The following CFAP299 variants were observed in gnomAD, a reference collection of about 807,000 sequenced individuals.
The protein encoded by CFAP299 is cilia and flagella associated protein 299, also known as cilia- and flagella-associated protein 299.
CFAP299 carries 21 observed loss-of-function variants against 27.0 expected under a neutral mutation model. The ratio of observed to expected loss-of-function variants is 0.78; its 90% CI spans 0.55 to 1.12. The LOEUF is 1.12. CFAP299 is among the 50% of genes most tolerant of loss of function. The pLI, the probability that CFAP299 is intolerant of heterozygous loss-of-function variation, is 0.00. For missense variants in CFAP299, 310 were observed against 276.6 expected (o/e 1.12, Z -0.86); for synonymous variants, 104 against 98.1 (o/e 1.06, Z -0.36).
chr4:80,959,412 A>G (rs1738228772), intron 5 of CFAP299, among the ~76,000 whole-genome samples: 1 of 152,102 alleles, frequency 6.6e-6, no homozygotes. Flanking sequence ...ACACTGCTAC[A>G]ACTCTGATAA....
chr4:80,649,472 A>C (rs1356643368), intron 3 of CFAP299, among the ~76,000 whole-genome samples: 1 of 152,144 alleles, frequency 6.6e-6, no homozygotes, highest in African/African-American at 2.4e-5. Context: ...CAATACTGAA[A>C]GGATGCAATG....
At chr4:80,717,211 G>A (rs973132054) in intron 3 of CFAP299, among the ~76,000 whole-genome samples, 1 of 152,048 alleles carries the variant, frequency 6.6e-6, no homozygotes, top group Admixed American at 6.6e-5. Flanking sequence ...GTAAACTAAG[G>A]TGGGGTGGTG....
At chr4:80,711,464 C>T (rs1578047642) in intron 3 of CFAP299, among the ~76,000 whole-genome samples, 2 of 152,190 alleles carry the variant, frequency 1.3e-5, no homozygotes, top group Admixed American at 1.3e-4. Context: ...CAGCTATCTG[C>T]TTATCCACCC....
chr4:80,624,718 AT>A lies in CFAP299; in HGVS notation c.333+41540del, dbSNP rs1197056996. ...ACTGTCAAAAATCAATGAGGAGAGGATTTTTAAAAAAACAGCAAGAGAAAAG... is the reference window on the plus strand; with the variant it reads ...ACTGTCAAAAATCAATGAGGAGAGGATTTTAAAAAAACAGCAAGAGAAAAG... On this transcript the variant is annotated intron_variant, in intron 3 of 5. Coordinates refer to ENST00000358105, the MANE Select transcript of CFAP299 (RefSeq NM_152770.3). 2.0e-5 allele frequency among the ~76,000 whole-genome samples: 3 copies of A among 152,002 alleles called. No homozygotes were observed. In the South Asian group the frequency reaches 6.2e-4, roughly 31 times the overall value.
intron 1 of CFAP299, among the ~76,000 whole-genome samples, chr4:80,349,940 G>A (rs973833333): frequency 2.6e-5 from 4 of 152,128 alleles, no homozygotes; most frequent in Admixed American, 2.0e-4. Flanking sequence ...ATTACATATA[G>A]GCAATATGAT....
intron 3 of CFAP299, among the ~76,000 whole-genome samples, chr4:80,859,876 A>G (rs1330749492): frequency 1.3e-5 from 2 of 152,100 alleles, no homozygotes; most frequent in Non-Finnish European, 2.9e-5. Context: ...GGTGAATCTG[A>G]CAATTATGTG....
At chr4:80,737,984 CTCTT>C (rs1210126484) in intron 3 of CFAP299, among the ~76,000 whole-genome samples, 1 of 152,018 alleles carries the variant, frequency 6.6e-6, no homozygotes. Context: ...TCTTTATTGA[CTCTT>C]TAGTCATTCA....
At chr4:80,674,370 A>G (rs1200590025) in intron 3 of CFAP299, among the ~76,000 whole-genome samples, 1 of 152,176 alleles carries the variant, frequency 6.6e-6, no homozygotes, top group Non-Finnish European at 1.5e-5. Flanking sequence ...TCTGGCTTAT[A>G]GAGTTTCTCC....
intron 3 of CFAP299, among the ~76,000 whole-genome samples, chr4:80,814,570 G>A (rs1042341784): frequency 1.8e-4 from 28 of 151,826 alleles, no homozygotes; most frequent in African/African-American, 6.8e-4. Flanking sequence ...CTAAGACTCC[G>A]TAATTTGGGA....
chr4:80,908,516 T>G (rs1735299362), intron 4 of CFAP299, among the ~76,000 whole-genome samples: 1 of 152,180 alleles, frequency 6.6e-6, no homozygotes, highest in South Asian at 2.1e-4. Flanking sequence ...GAAATAGAGT[T>G]GCTCACATGC....
Position 80,864,887 on chromosome 4 carries a change from T to C in CFAP299, c.334-5106T>C, listed in dbSNP as rs548904845. Among the ~76,000 whole-genome samples the C allele has an allele frequency of 2.6e-5, 4 of 152,310 alleles. No individual in the cohort carries two copies. The East Asian group carries it at 7.7e-4, about 29-fold the overall frequency. The stretch of plus-strand genomic sequence containing the variant: ...TTTAATTCACACACCAATTTAGGTA[T>C]TATTATGCCCATTTTATTATAGAGG... On this transcript the variant is annotated intron_variant, in intron 3 of 5. Coordinates refer to ENST00000358105, the MANE Select transcript of CFAP299 (RefSeq NM_152770.3).
chr4:80,672,989 T>C (rs1741589282), intron 3 of CFAP299, among the ~76,000 whole-genome samples: 1 of 151,980 alleles, frequency 6.6e-6, no homozygotes, highest in African/African-American at 2.4e-5. Context: ...TTTGAAGGGT[T>C]TTTTTGTGTC....
intron 3 of CFAP299, among the ~76,000 whole-genome samples, chr4:80,692,312 A>G (rs1560702034): frequency 1.3e-5 from 2 of 152,148 alleles, no homozygotes; most frequent in Non-Finnish European, 2.9e-5. Context: ...AGGCTACAGT[A>G]ACCAAAACAG....
intron 3 of CFAP299, among the ~76,000 whole-genome samples, chr4:80,671,206 A>G (rs764625324): frequency 3.9e-5 from 6 of 152,128 alleles, no homozygotes; most frequent in South Asian, 4.1e-4. Context: ...CTTTCTACAT[A>G]TGGCTAGCCA....
chr4:80,924,538 G>GTA (rs1553906748), intron 4 of CFAP299, among the ~76,000 whole-genome samples: 4,331 of 131,524 alleles, frequency 0.033, 96 homozygotes, highest in Non-Finnish European at 0.04. Context: ...GTGTGTGTGT[G>GTA]TATATATATA....
chr4:80,329,667 C>T, the CFAP299 span, among the ~76,000 whole-genome samples: 1 of 152,082 alleles, frequency 6.6e-6, no homozygotes, highest in Non-Finnish European at 1.5e-5. Context: ...TCCTTTAATG[C>T]TTCTCTTAGA....
rs748478258 is a variant in CFAP299, at chr4:80,335,765, C to G, written c.-4C>G. The G allele has an allele frequency of 6.3e-6, 10 of 1,591,248 alleles. No homozygotes were observed. Among genetic ancestry groups the G allele is most frequent in the East Asian group, 2.2e-5 (1 of 44,784 alleles). On this transcript the variant is annotated 5_prime_UTR_variant, in exon 1 of 6. Coordinates refer to ENST00000358105, the MANE Select transcript of CFAP299 (RefSeq NM_152770.3). ...CTAGGGACGCTTCGGCCGAGGATAC[C>G]GCAATGGATCAGGAAGAGGGGCTGA...
chr4:80,826,867 A>T (rs966144134), intron 3 of CFAP299, among the ~76,000 whole-genome samples: 2 of 151,876 alleles, frequency 1.3e-5, no homozygotes, highest in African/African-American at 2.4e-5. Context: ...TTCTCTAACA[A>T]TCCTTGGATG....
At chr4:80,851,134 T>G (rs1731498684) in intron 3 of CFAP299, among the ~76,000 whole-genome samples, 1 of 152,092 alleles carries the variant, frequency 6.6e-6, no homozygotes, top group African/African-American at 2.4e-5. Context: ...AAACTGGAGA[T>G]AAACGATTTA....
Sources: allele counts gnomAD v4.1 joint callset (sites outside exome capture counted in the v4.1 genomes callset), GRCh38; gene constraint gnomAD v4.1.1; transcripts MANE v1.5; gene names NCBI Gene and HGNC (gene_info 2026-07-23, HGNC 2026-07-21).